The following ADAM12 variants were observed in gnomAD, a reference collection of about 807,000 sequenced individuals.
ADAM12 encodes disintegrin and metalloproteinase domain-containing protein 12.
ADAM12 carries 70 observed loss-of-function variants against 106.4 expected under a neutral mutation model. The observed-to-expected ratio is 0.66, with a 90% CI of 0.54 to 0.80. ADAM12 has a LOEUF of 0.80. Among genes scored for constraint, ADAM12 ranks in the 30% least tolerant of loss-of-function variants. The probability of loss-of-function intolerance (pLI) is 0.00; values close to 1 mark genes in which losing one functional copy is unlikely to be tolerated. For missense variants in ADAM12, 1,010 were observed against 1,171.9 expected, an observed-to-expected ratio of 0.86 and a Z score of 2.02; for synonymous variants, 420 against 433.5, an observed-to-expected ratio of 0.97 and a Z score of 0.39.
At chr10:126,242,479 C>T (rs971462036) in intron 3 of ADAM12, among the ~76,000 whole-genome samples, 3 of 152,166 alleles carry the variant, frequency 2.0e-5, no homozygotes, top group Non-Finnish European at 4.4e-5. Context: ...AACATGTAAG[C>T]AATTCTGGCC....
chr10:126,157,047 C>G (rs1419935713), intron 3 of ADAM12, among the ~76,000 whole-genome samples: 2 of 152,048 alleles, frequency 1.3e-5, no homozygotes, highest in Non-Finnish European at 2.9e-5. Flanking sequence ...GGGTGCTCCT[C>G]CACTCTTGAT....
intron 1 of ADAM12, 129 bp downstream of exon 1, chr10:126,387,929 C>G (rs1856733115): frequency 8.8e-7 from 1 of 1,133,152 alleles, no homozygotes; most frequent in South Asian, 4.4e-5. Context: ...GAAGCGCAAG[C>G]CCCGGGGCTC....
intron 3 of ADAM12, among the ~76,000 whole-genome samples, chr10:126,184,877 G>GCTCC (rs1957373032): frequency 6.6e-6 from 1 of 152,138 alleles, no homozygotes; most frequent in African/African-American, 2.4e-5. Flanking sequence ...ATTTCTTCGG[G>GCTCC]ACTCCATGAG....
At chr10:126,325,990 T>A (rs1854287918) in intron 2 of ADAM12, among the ~76,000 whole-genome samples, 1 of 152,232 alleles carries the variant, frequency 6.6e-6, no homozygotes, top group Non-Finnish European at 1.5e-5. Flanking sequence ...GTCCCTCTAC[T>A]CTTTCCACTA....
chr10:126,160,936 T>C (rs1590531492), intron 3 of ADAM12, among the ~76,000 whole-genome samples: 1 of 152,212 alleles, frequency 6.6e-6, no homozygotes, highest in East Asian at 1.9e-4. Context: ...TACATGGCTT[T>C]TCATGTAGCC....
intron 21 of ADAM12, among the ~76,000 whole-genome samples, chr10:126,033,087 A>ACAAGT (rs1953997689): frequency 6.6e-6 from 1 of 152,236 alleles, no homozygotes; most frequent in Non-Finnish European, 1.5e-5. Flanking sequence ...ATAGGAAAAG[A>ACAAGT]CAAGTCACAG....
intron 2 of ADAM12, among the ~76,000 whole-genome samples, chr10:126,328,957 A>G (rs56357521): frequency 0.087 from 13,226 of 152,148 alleles, 814 homozygotes; most frequent in East Asian, 0.25. Context: ...GCTGGAGGGT[A>G]GGAAGGAGGA....
chr10:126,199,184 G>A (rs1157414199), intron 3 of ADAM12, among the ~76,000 whole-genome samples: 4 of 152,254 alleles, frequency 2.6e-5, no homozygotes, highest in Non-Finnish European at 5.9e-5. Context: ...TGAAGGTTTC[G>A]TTTGGGGCAA....
intron 1 of ADAM12, among the ~76,000 whole-genome samples, chr10:126,356,114 C>A (rs765011928): frequency 6.6e-6 from 1 of 152,210 alleles, no homozygotes; most frequent in African/African-American, 2.4e-5. Flanking sequence ...TAGGCAAAGA[C>A]GCAAACCTCA....
At chr10:126,155,827 G>T (rs1056783259) in intron 3 of ADAM12, among the ~76,000 whole-genome samples, 1 of 152,150 alleles carries the variant, frequency 6.6e-6, no homozygotes, top group African/African-American at 2.4e-5. Context: ...TGTCACAGAA[G>T]AGAATAGAAC....
intron 1 of ADAM12, among the ~76,000 whole-genome samples, chr10:126,375,585 T>C (rs1220023738): frequency 6.6e-6 from 1 of 151,666 alleles, no homozygotes; most frequent in African/African-American, 2.4e-5. Context: ...ACAGAATATG[T>C]AACCTCTAAA....
At chr10:126,067,711 T>C (rs11244796) in intron 12 of ADAM12, among the ~76,000 whole-genome samples, 14,772 of 152,280 alleles carry the variant, frequency 0.097, 848 homozygotes, top group Middle Eastern at 0.28. Flanking sequence ...TATCATAAGA[T>C]GGAACAGTTC....
chr10:126,337,765 G>T (rs1448352397), intron 1 of ADAM12, among the ~76,000 whole-genome samples: 1 of 151,940 alleles, frequency 6.6e-6, no homozygotes, highest in Non-Finnish European at 1.5e-5. Flanking sequence ...TGTTTTTTTT[G>T]TTTACTCCTT....
intron 3 of ADAM12, among the ~76,000 whole-genome samples, chr10:126,170,600 T>G (rs1038211599): frequency 6.6e-6 from 1 of 152,028 alleles, no homozygotes; most frequent in African/African-American, 2.4e-5. Flanking sequence ...GCCAGCCCCA[T>G]GCAGACACCA....
intron 3 of ADAM12, among the ~76,000 whole-genome samples, chr10:126,246,700 A>C (rs1030878115): frequency 6.6e-6 from 1 of 152,238 alleles, no homozygotes; most frequent in Admixed American, 6.5e-5. Flanking sequence ...CATGTTAAAA[A>C]CTTTCAATAA....
intron 1 of ADAM12, among the ~76,000 whole-genome samples, chr10:126,332,614 T>C (rs1290262038): frequency 6.6e-6 from 1 of 152,110 alleles, no homozygotes; most frequent in South Asian, 2.1e-4. Context: ...CCCCCCTTTT[T>C]TGTTGGGGAT....
chr10:126,234,181 G>A (rs1329942732), intron 3 of ADAM12, among the ~76,000 whole-genome samples: 2 of 152,190 alleles, frequency 1.3e-5, no homozygotes, highest in Non-Finnish European at 2.9e-5. Context: ...AAAAAGATGG[G>A]AAGGAAGGCT....
At chr10:126,031,478 C>T (rs548992367) in intron 21 of ADAM12, among the ~76,000 whole-genome samples, 3 of 152,296 alleles carry the variant, frequency 2.0e-5, no homozygotes, top group South Asian at 4.1e-4. Flanking sequence ...GATCTACAAT[C>T]GTGGCTTAAA....
rs116385928 is a variant in ADAM12, at chr10:126,080,149, C to A, written c.1146-8495G>T. Among the ~76,000 whole-genome samples the A allele has an allele frequency of 1.8e-3, 267 of 152,294 alleles. 2 individuals are homozygous for A. The highest frequency in any genetic ancestry group is 6.1e-3 in the African/African-American group (255 of 41,566). ...CTGCTTCCAAATCCAAAGTATGGTA[C>A]ATGGTCATTGTGCCTCCTTTGTGCT... On this transcript the variant is annotated intron_variant, in intron 11 of 22. Coordinates refer to ENST00000448723, the MANE Select transcript of ADAM12 (RefSeq NM_001288973.2).
Sources: allele counts gnomAD v4.1 joint callset (sites outside exome capture counted in the v4.1 genomes callset), GRCh38; gene constraint gnomAD v4.1.1; transcripts MANE v1.5; gene names NCBI Gene and HGNC (gene_info 2026-07-23, HGNC 2026-07-21).